The following CACHD1 variants were observed in gnomAD, a reference collection of about 807,000 sequenced individuals.
The protein encoded by CACHD1 is VWFA and cache domain-containing protein 1.
In CACHD1, 71 loss-of-function variants were observed where a neutral mutation model predicts 138.7. That is an observed-to-expected ratio of 0.51 (90% CI 0.42 to 0.62). CACHD1 has a LOEUF of 0.62. Among genes scored for constraint, CACHD1 ranks in the 20% least tolerant of loss-of-function variants. The pLI is 0.00. For missense variants in CACHD1, 1,389 were observed against 1,625.3 expected, an observed-to-expected ratio of 0.85 and a Z score of 2.50; for synonymous variants, 578 against 591.5, an observed-to-expected ratio of 0.98 and a Z score of 0.33.
chr1:64,488,251 A>G (rs1332115825), intron 1 of CACHD1, among the ~76,000 whole-genome samples: 1 of 152,222 alleles, frequency 6.6e-6, no homozygotes, highest in African/African-American at 2.4e-5. Flanking sequence ...TTCATTGTAC[A>G]GAGAATCTCA....
At chr1:64,515,634 C>T (rs1646453243) in intron 1 of CACHD1, among the ~76,000 whole-genome samples, 1 of 152,176 alleles carries the variant, frequency 6.6e-6, no homozygotes, top group African/African-American at 2.4e-5. Context: ...GAATGCATGC[C>T]AGTTCTGTTC....
chr1:64,611,416 A>G (rs1423523613), intron 4 of CACHD1, among the ~76,000 whole-genome samples: 2 of 152,222 alleles, frequency 1.3e-5, no homozygotes, highest in Non-Finnish European at 1.5e-5. Flanking sequence ...AGTTTTAGAT[A>G]ATCTCTTTGT....
intron 1 of CACHD1, among the ~76,000 whole-genome samples, chr1:64,503,796 G>A (rs1185457349): frequency 2.6e-5 from 4 of 152,190 alleles, no homozygotes; most frequent in Non-Finnish European, 5.9e-5. Flanking sequence ...AAAACTTCCT[G>A]TATACTAATG....
chr1:64,691,568 C>T lies in CACHD1; in HGVS notation c.*7C>T. On this transcript the variant is annotated 3_prime_UTR_variant, in exon 27 of 27. Coordinates refer to ENST00000651257, the MANE Select transcript of CACHD1 (RefSeq NM_020925.4). ...TGTCGATGCAGAATGCTAACAATCT[C>T]CTCACCTCCACGCCAAGATGAGATC... 6.2e-7 allele frequency: 1 copy of T among 1,608,912 alleles called. No homozygotes were observed. The highest frequency in any genetic ancestry group is 8.5e-7 in the Non-Finnish European group (1 of 1,175,334).
At chr1:64,550,407 G>A (rs747520066) in intron 1 of CACHD1, among the ~76,000 whole-genome samples, 187 bp from the exon 2 acceptor site, 1 of 152,138 alleles carries the variant, frequency 6.6e-6, no homozygotes, top group Non-Finnish European at 1.5e-5. Flanking sequence ...AGAGGTGCCT[G>A]GGTATTGCTT....
At chr1:64,533,778 A>C (rs1317095196) in intron 1 of CACHD1, among the ~76,000 whole-genome samples, 2 of 127,470 alleles carry the variant, frequency 1.6e-5, no homozygotes, top group African/African-American at 5.7e-5. Flanking sequence ...GTGAAGACGG[A>C]ATCTTGCTCT....
At chr1:64,672,146 A>T (rs1649837537) in intron 17 of CACHD1, among the ~76,000 whole-genome samples, 1 of 152,196 alleles carries the variant, frequency 6.6e-6, no homozygotes, top group African/African-American at 2.4e-5. Context: ...ATTTCAAAAG[A>T]ACTTGTCTGA....
chr1:64,474,073 A>G (rs2100255931), intron 1 of CACHD1, among the ~76,000 whole-genome samples: 1 of 152,314 alleles, frequency 6.6e-6, no homozygotes, highest in Non-Finnish European at 1.5e-5. Context: ...TTAATAATGG[A>G]CAAAATATAT....
At chr1:64,673,583 A>C in intron 19 of CACHD1, 119 bp downstream of exon 19, 1 of 842,578 alleles carries the variant, frequency 1.2e-6, no homozygotes, top group South Asian at 1.6e-5. Context: ...AGAACTATAG[A>C]ATGATAGGAG....
At chr1:64,478,772 G>C (rs559017931) in intron 1 of CACHD1, among the ~76,000 whole-genome samples, 1 of 152,272 alleles carries the variant, frequency 6.6e-6, no homozygotes, top group East Asian at 1.9e-4. Flanking sequence ...AAGTGGACCA[G>C]GTGTAGGTAA....
intron 4 of CACHD1, among the ~76,000 whole-genome samples, chr1:64,617,565 A>G: frequency 6.6e-6 from 1 of 152,198 alleles, no homozygotes; most frequent in Non-Finnish European, 1.5e-5. Context: ...CCTGCTCCTT[A>G]GTCTTAGACT....
intron 1 of CACHD1, among the ~76,000 whole-genome samples, chr1:64,515,800 T>G (rs1369247622): frequency 2.0e-5 from 3 of 152,194 alleles, no homozygotes; most frequent in Non-Finnish European, 4.4e-5. Context: ...ATGCTAATCT[T>G]TCTACGATTA....
rs114022975 is a variant in CACHD1, at chr1:64,555,861, A to G, written c.261+5205A>G. On this transcript the variant is annotated intron_variant, in intron 2 of 26. Transcript: ENST00000651257. ...TCAAATATTCTATCTCTGTCAAACA[A>G]TCTGTACTTTCTTCATTTGTTTTCA... is the stretch of plus-strand genomic sequence containing the variant. Among the ~76,000 whole-genome samples the G allele has an allele frequency of 5.8e-3, 879 of 152,310 alleles. 8 individuals are homozygous for G. The highest frequency in any genetic ancestry group is 0.02 in the African/African-American group (847 of 41,562).
chr1:64,676,228 C>CA (rs940644477), intron 21 of CACHD1, among the ~76,000 whole-genome samples: 1 of 151,896 alleles, frequency 6.6e-6, no homozygotes, highest in Admixed American at 6.6e-5. Context: ...GTGCTACATA[C>CA]AAAAAAATGT....
chr1:64,533,179 A>T (rs1646602824), intron 1 of CACHD1, among the ~76,000 whole-genome samples: 2 of 152,296 alleles, frequency 1.3e-5, no homozygotes, highest in Non-Finnish European at 1.5e-5. Flanking sequence ...AACATGGTGA[A>T]ACCCCGTCTC....
rs769852289 is a variant in CACHD1 at position 64,666,187 on chromosome 1, T to C, written c.2387+20T>C. ...ATCCAGGTAATATTTTAACTAACTTTATAGTCATTTCTTAAATATATCAAG... is the reference window on the plus strand; with the variant it reads ...ATCCAGGTAATATTTTAACTAACTTCATAGTCATTTCTTAAATATATCAAG... On this transcript the variant is annotated intron_variant, in intron 16 of 26. Coordinates refer to ENST00000651257, the MANE Select transcript of CACHD1 (RefSeq NM_020925.4). 4.9e-6 allele frequency: 7 copies of C among 1,438,838 alleles called. No individual in the cohort carries two copies. The highest frequency in any genetic ancestry group is 1.8e-5 in the Admixed American group (1 of 56,046). 89.1% of individuals were successfully genotyped at this position (1,438,838 alleles called of 1,614,324 possible). A position where few individuals can be genotyped will look rare whatever the true frequency, so the allele number is the denominator to read the frequency against.
chr1:64,481,626 G>A (rs754490304), intron 1 of CACHD1, among the ~76,000 whole-genome samples: 4 of 152,186 alleles, frequency 2.6e-5, no homozygotes, highest in Non-Finnish European at 5.9e-5. Flanking sequence ...CCAGTCATGG[G>A]CAGGAAGGAG....
intron 22 of CACHD1, among the ~76,000 whole-genome samples, 160 bp downstream of exon 22, chr1:64,677,171 G>A (rs748015724): frequency 3.0e-4 from 46 of 152,142 alleles, no homozygotes; most frequent in Middle Eastern, 3.4e-3. Flanking sequence ...CTTATTACCC[G>A]TATTTAGCGT....
chr1:64,611,132 A>T (rs1397284626), intron 4 of CACHD1, among the ~76,000 whole-genome samples: 1 of 152,154 alleles, frequency 6.6e-6, no homozygotes, highest in Non-Finnish European at 1.5e-5. Flanking sequence ...GGCAGCACAG[A>T]CTAGTGGGTC....
Sources: gnomAD v4.1 joint callset for allele counts (sites outside exome capture counted in the v4.1 genomes callset) on GRCh38, gnomAD v4.1.1 for gene constraint, MANE v1.5 for transcripts, NCBI Gene and HGNC (gene_info 2026-07-23, HGNC 2026-07-21) for gene names.